TBC1D5: variants seen among roughly 807,000 people sequenced by gnomAD.
TBC1D5 encodes the protein TBC1 domain family member 5.
Under a neutral mutation model 100.3 loss-of-function variants are expected in TBC1D5, and 75 were observed. The observed-to-expected ratio is 0.75, with a 90% CI of 0.62 to 0.91. TBC1D5 has a LOEUF of 0.91. Ranked by LOEUF, TBC1D5 falls within the 40% of genes least tolerant of loss-of-function variation. The pLI, the probability that TBC1D5 is intolerant of heterozygous loss-of-function variation, is 0.00. For missense variants in TBC1D5, 910 were observed against 942.4 expected, an observed-to-expected ratio of 0.97 and a Z score of 0.45; for synonymous variants, 323 against 325.6, an observed-to-expected ratio of 0.99 and a Z score of 0.09.
intron 16 of TBC1D5, 83 bp downstream of exon 16, chr3:17,258,423 T>C: frequency 2.3e-6 from 3 of 1,333,332 alleles, no homozygotes; most frequent in Non-Finnish European, 3.2e-6. Flanking sequence ...TGGAAAATTG[T>C]TTTCAGCAAT....
exon 15 of TBC1D5, chr3:17,291,986 T>C (rs772208813): frequency 2.5e-6 from 4 of 1,613,566 alleles, no homozygotes; most frequent in African/African-American, 2.7e-5. Flanking sequence ...ACAGGTCTGG[T>C]AGTTACTAGA....
At chr3:17,478,720 C>T (rs1208873232) in intron 3 of TBC1D5, among the ~76,000 whole-genome samples, 2 of 152,234 alleles carry the variant, frequency 1.3e-5, no homozygotes, top group African/African-American at 4.8e-5. Flanking sequence ...GGTCACAGTA[C>T]CAAGTCTAGA....
chr3:17,538,700 T>C (rs986548472), intron 2 of TBC1D5, among the ~76,000 whole-genome samples: 3 of 152,102 alleles, frequency 2.0e-5, no homozygotes, highest in African/African-American at 7.2e-5. Context: ...ACAGGTGGAT[T>C]CAAAGATTTT....
At chr3:17,394,806 C>T (rs1176054746) in intron 8 of TBC1D5, among the ~76,000 whole-genome samples, 1 of 151,918 alleles carries the variant, frequency 6.6e-6, no homozygotes, top group Non-Finnish European at 1.5e-5. Flanking sequence ...CGCAATCGGG[C>T]GCTAGGGATA....
chr3:17,542,697 T>C (rs1488352686), intron 2 of TBC1D5, among the ~76,000 whole-genome samples: 1 of 152,252 alleles, frequency 6.6e-6, no homozygotes. Context: ...AAGTGCTTTT[T>C]CTGCATCTAT....
chr3:17,502,422 T>C (rs1362136534), intron 3 of TBC1D5, among the ~76,000 whole-genome samples: 1 of 149,450 alleles, frequency 6.7e-6, no homozygotes, highest in Non-Finnish European at 1.5e-5. Flanking sequence ...GTTTTCCTTC[T>C]ACTTCTCCAG....
At chr3:17,358,094 C>CT (rs1480129978) in intron 13 of TBC1D5, among the ~76,000 whole-genome samples, 1 of 152,112 alleles carries the variant, frequency 6.6e-6, no homozygotes, top group East Asian at 1.9e-4. Context: ...AACTGGTGAG[C>CT]TAGAGAAACT....
At chr3:17,196,204 C>T (rs548369392) in intron 18 of TBC1D5, among the ~76,000 whole-genome samples, 6 of 152,122 alleles carry the variant, frequency 3.9e-5, no homozygotes, top group Admixed American at 3.9e-4. Context: ...CGTAGGACAC[C>T]CTCCATCTCA....
At chr3:17,618,920 C>A (rs766413354) in intron 2 of TBC1D5, among the ~76,000 whole-genome samples, 2 of 152,180 alleles carry the variant, frequency 1.3e-5, no homozygotes, top group Non-Finnish European at 2.9e-5. Context: ...ACTGTCCAAC[C>A]AGTCCCAGTG....
At chr3:17,442,367 C>A (rs1430506930) in intron 3 of TBC1D5, among the ~76,000 whole-genome samples, 4 of 152,208 alleles carry the variant, frequency 2.6e-5, no homozygotes, top group Non-Finnish European at 4.4e-5. Context: ...AAGAAAACTG[C>A]AGAAAAGGTT....
At chr3:17,206,025 T>A (rs1278213665) in intron 18 of TBC1D5, among the ~76,000 whole-genome samples, 1 of 152,188 alleles carries the variant, frequency 6.6e-6, no homozygotes, top group Non-Finnish European at 1.5e-5. Context: ...TTCTAACTAC[T>A]TTAGATGTGT....
intron 21 of TBC1D5, among the ~76,000 whole-genome samples, chr3:17,161,767 G>C (rs2066081796): frequency 6.6e-6 from 1 of 152,252 alleles, no homozygotes; most frequent in African/African-American, 2.4e-5. Flanking sequence ...GCCAGATCTG[G>C]AGTGATTCTA....
At chr3:17,565,639 T>C (rs1197277066) in intron 2 of TBC1D5, among the ~76,000 whole-genome samples, 1 of 152,096 alleles carries the variant, frequency 6.6e-6, no homozygotes, top group Non-Finnish European at 1.5e-5. Context: ...GCACAACCAA[T>C]GTATATGATA....
At chr3:17,261,393 G>C (rs1439198775) in intron 15 of TBC1D5, among the ~76,000 whole-genome samples, 1 of 149,208 alleles carries the variant, frequency 6.7e-6, no homozygotes, top group Non-Finnish European at 1.5e-5. Flanking sequence ...TTTTCCTAGG[G>C]GGACAAGATT....
At chr3:17,684,044 G>A (rs2069890329) in intron 1 of TBC1D5, among the ~76,000 whole-genome samples, 2 of 151,904 alleles carry the variant, frequency 1.3e-5, no homozygotes, top group Admixed American at 1.3e-4. Flanking sequence ...AATAGGGGCT[G>A]GGTAGATTAT....
At chr3:17,376,667 T>C (rs1417611836) in intron 9 of TBC1D5, 54 bp from the exon 10 acceptor site, 7 of 1,523,690 alleles carry the variant, frequency 4.6e-6, no homozygotes, top group African/African-American at 1.4e-5. Flanking sequence ...AGTCCATTAG[T>C]GGACAGTATA....
At chr3:17,677,681 A>G (rs996149367) in intron 1 of TBC1D5, among the ~76,000 whole-genome samples, 12 of 152,240 alleles carry the variant, frequency 7.9e-5, no homozygotes, top group Non-Finnish European at 1.3e-4. Flanking sequence ...ATGCTGCTAT[A>G]AAGACACATG....
intron 2 of TBC1D5, among the ~76,000 whole-genome samples, chr3:17,615,125 G>A (rs2062034848): frequency 6.6e-6 from 1 of 152,162 alleles, no homozygotes; most frequent in East Asian, 1.9e-4. Flanking sequence ...GGCCTTTTCT[G>A]CATCTATTGA....
chr3:17,613,995 T>C (rs1406243883), intron 2 of TBC1D5, among the ~76,000 whole-genome samples: 3 of 152,174 alleles, frequency 2.0e-5, no homozygotes, highest in South Asian at 2.1e-4. Context: ...CCCTAGGTTT[T>C]TTCTAGAGTT....
Sources: allele counts gnomAD v4.1 joint callset (sites outside exome capture counted in the v4.1 genomes callset), GRCh38; gene constraint gnomAD v4.1.1; transcripts MANE v1.5; gene names NCBI Gene and HGNC (gene_info 2026-07-23, HGNC 2026-07-21).